Variants in PCSK5 observed in about 807,000 individuals in gnomAD.
The protein encoded by PCSK5 is proprotein convertase subtilisin/kexin type 5, also known as prohormone convertase 5.
Under a neutral mutation model 233.2 loss-of-function variants are expected in PCSK5, and 129 were observed. That is an observed-to-expected ratio of 0.55 (90% confidence interval 0.48 to 0.64). The LOEUF is 0.64. Ranked by LOEUF, PCSK5 falls within the 30% of genes least tolerant of loss-of-function variation. The probability of loss-of-function intolerance (pLI) is 0.00; values close to 1 mark genes in which losing one functional copy is unlikely to be tolerated. For missense variants in PCSK5, 2,076 were observed against 2,430.1 expected (o/e 0.85, Z 3.06); for synonymous variants, 825 against 879.2 (o/e 0.94, Z 1.09).
chr9:76,259,666 C>G (rs1370319142), intron 24 of PCSK5, among the ~76,000 whole-genome samples: 1 of 152,168 alleles, frequency 6.6e-6, no homozygotes, highest in African/African-American at 2.4e-5. Context: ...CTCCTTGAAT[C>G]ATGCTTACCA....
rs369174953 is a variant in PCSK5 at position 75,983,640 on chromosome 9, T to G, written c.298-2492T>G. Among the ~76,000 whole-genome samples the G allele has an allele frequency of 4.6e-5, 7 of 152,326 alleles. No homozygotes were observed. The East Asian group carries it at 7.7e-4, about 17-fold the overall frequency. ...CTGAATTAACTGTAGTTCCTTAATG[T>G]ATTGGAAATAGAACTTTCAAAAGTT... On this transcript the variant is annotated intron_variant, in intron 2 of 37. Coordinates refer to ENST00000674117, the MANE Select transcript of PCSK5 (RefSeq NM_001372043.1).
intron 10 of PCSK5, among the ~76,000 whole-genome samples, chr9:76,156,098 A>G (rs1207189253): frequency 6.6e-6 from 1 of 152,250 alleles, no homozygotes; most frequent in Non-Finnish European, 1.5e-5. Context: ...ATGTGATGAT[A>G]ATAAAAAATG....
chr9:76,162,789 C>G (rs1424691877), intron 12 of PCSK5, among the ~76,000 whole-genome samples: 1 of 152,132 alleles, frequency 6.6e-6, no homozygotes, highest in South Asian at 2.1e-4. Flanking sequence ...GACTTTTCCT[C>G]ATTTTATCTG....
chr9:75,995,271 G>C (rs2131413532), intron 3 of PCSK5, among the ~76,000 whole-genome samples: 1 of 152,218 alleles, frequency 6.6e-6, no homozygotes, highest in East Asian at 1.9e-4. Context: ...ATTCCATGGA[G>C]GAAGAAACCA....
intron 1 of PCSK5, among the ~76,000 whole-genome samples, chr9:75,900,678 CAAA>C (rs34003117): frequency 7.6e-5 from 8 of 104,816 alleles, no homozygotes; most frequent in South Asian, 3.4e-4. Context: ...GACTCTGTCT[CAAA>C]AAAAAAAAAA....
intron 12 of PCSK5, among the ~76,000 whole-genome samples, chr9:76,168,116 T>C (rs772337367): frequency 2.6e-5 from 4 of 152,224 alleles, no homozygotes; most frequent in African/African-American, 7.2e-5. Context: ...GGATATTTAT[T>C]TGGGTAGTCA....
Position 76,158,972 on chromosome 9 carries a change from C to T in PCSK5, c.1431-11C>T, listed in dbSNP as rs1320342571. The T allele has an allele frequency of 3.1e-6, 5 of 1,609,506 alleles. No individual in the cohort carries two copies. The highest frequency in any genetic ancestry group is 1.3e-5 in the African/African-American group (1 of 74,842). ...TCATTTGCTCAAACTCTCCATCTCTCTCTGTTACAGGACAATCCGCCCTAA... is the reference window on the plus strand; with the variant it reads ...TCATTTGCTCAAACTCTCCATCTCTTTCTGTTACAGGACAATCCGCCCTAA... On this transcript the variant is annotated splice_polypyrimidine_tract_variant and intron_variant, in intron 11 of 37. Transcript: ENST00000674117.
At chr9:76,060,592 A>T (rs1829993140) in intron 5 of PCSK5, among the ~76,000 whole-genome samples, 1 of 152,138 alleles carries the variant, frequency 6.6e-6, no homozygotes. Flanking sequence ...CTAGACAAAT[A>T]CTGTTCAAAT....
chr9:76,336,753 A>C (rs1014063754), intron 34 of PCSK5, among the ~76,000 whole-genome samples: 1 of 152,156 alleles, frequency 6.6e-6, no homozygotes, highest in Non-Finnish European at 1.5e-5. Context: ...TTTCTCAGTA[A>C]TTACATGTTT....
In PCSK5 at chr9:76,331,107, A is replaced by G. The variant is rs1829520387; in HGVS notation, c.4571-1326A>G. 2.0e-5 allele frequency among the ~76,000 whole-genome samples: 3 copies of G among 152,140 alleles called. No individual in the cohort carries two copies. In the South Asian group the frequency reaches 6.2e-4, roughly 32 times the overall value. ...TGGGTGCAGATTTGCTCAGCCTGGT[A>G]TCCTCACATTCTCTCTACCCTGTCC... On this transcript the variant is annotated intron_variant, in intron 33 of 37. Transcript: ENST00000674117.
chr9:75,941,615 A>G (rs1386579794), intron 2 of PCSK5, among the ~76,000 whole-genome samples: 1 of 152,172 alleles, frequency 6.6e-6, no homozygotes, highest in African/African-American at 2.4e-5. Context: ...GAATGCGATC[A>G]TTATAGCAAA....
At chr9:76,225,792 A>G (rs1362330895) in intron 20 of PCSK5, among the ~76,000 whole-genome samples, 1 of 152,246 alleles carries the variant, frequency 6.6e-6, no homozygotes. Flanking sequence ...TAACCAGTCC[A>G]GTCAACACCT....
intron 27 of PCSK5, among the ~76,000 whole-genome samples, chr9:76,299,541 C>A (rs1828542062): frequency 1.3e-5 from 2 of 151,926 alleles, no homozygotes; most frequent in African/African-American, 4.8e-5. Flanking sequence ...GCGTGGTGGT[C>A]AGTACCTGTA....
intron 2 of PCSK5, among the ~76,000 whole-genome samples, chr9:75,985,418 A>G (rs1028020742): frequency 4.1e-4 from 62 of 152,084 alleles, no homozygotes; most frequent in African/African-American, 1.4e-3. Flanking sequence ...GGCTTCTCCA[A>G]TTTTGTGCCA....
chr9:75,947,851 G>C (rs549743000), intron 2 of PCSK5, among the ~76,000 whole-genome samples: 1 of 152,024 alleles, frequency 6.6e-6, no homozygotes, highest in Non-Finnish European at 1.5e-5. Context: ...TTTCTCCATG[G>C]ATATTTTAGA....
intron 7 of PCSK5, among the ~76,000 whole-genome samples, chr9:76,072,483 T>G (rs954944769): frequency 2.0e-5 from 3 of 152,232 alleles, no homozygotes; most frequent in Admixed American, 2.0e-4. Flanking sequence ...TTACAGATCT[T>G]AAGAAACCCT....
rs565333881 is a variant in PCSK5, at chr9:76,002,151, T to A, written c.411+15906T>A. ...AATTCAACCTGCTAGAGATAACAAG[T>A]ATGAAAAGGTTGTATACCCTGCTCA... On this transcript the variant is annotated intron_variant, in intron 3 of 37. Transcript: ENST00000674117. Among the ~76,000 whole-genome samples, 8 of 152,258 alleles carry A rather than the reference T, an allele frequency of 5.3e-5. No homozygotes were observed. The South Asian group carries it at 1.7e-3, about 32-fold the overall frequency.
At chr9:76,177,101 G>A (rs1587721684) in intron 14 of PCSK5, among the ~76,000 whole-genome samples, 1 of 152,038 alleles carries the variant, frequency 6.6e-6, no homozygotes, top group African/African-American at 2.4e-5. Flanking sequence ...ACTAGCCTGG[G>A]CAACATGGTG....
intron 20 of PCSK5, chr9:76,193,370 C>T: frequency 6.3e-7 from 1 of 1,585,620 alleles, no homozygotes; most frequent in Non-Finnish European, 8.6e-7. Flanking sequence ...TCTTAGATTT[C>T]TTTGTTCCTG....
Sources: gnomAD v4.1 joint callset for allele counts (sites outside exome capture counted in the v4.1 genomes callset) on GRCh38, gnomAD v4.1.1 for gene constraint, MANE v1.5 for transcripts, NCBI Gene and HGNC (gene_info 2026-07-23, HGNC 2026-07-21) for gene names.